RGL4: variants seen among roughly 807,000 people sequenced by gnomAD.
RGL4 encodes the protein ral guanine nucleotide dissociation stimulator like 4, also known as ral-GDS-related protein.
Under a neutral mutation model 49.6 loss-of-function variants are expected in RGL4, and 41 were observed. The observed-to-expected ratio is 0.83, with a 90% CI of 0.64 to 1.07. The LOEUF (loss-of-function observed/expected upper bound fraction) is 1.07. Ranked by LOEUF, RGL4 falls within the 50% of genes least tolerant of loss-of-function variation. RGL4 has a pLI of 0.00. For synonymous variants in RGL4, 255 were observed against 238.0 expected, an observed-to-expected ratio of 1.07 and a Z score of -0.66; for missense variants, 610 against 591.9, an observed-to-expected ratio of 1.03 and a Z score of -0.32.
In RGL4 at chr22:23,699,162, A is replaced by C. The variant is rs1923734664; in HGVS notation, c.*279A>C. 4 of 1,366,118 alleles carry C rather than the reference A, an allele frequency of 2.9e-6. No homozygotes were observed. Among genetic ancestry groups the C allele is most frequent in the Non-Finnish European group, 3.8e-6 (4 of 1,042,554 alleles). The allele number at this position is 1,366,118 out of a possible 1,614,324, so 84.6% of individuals were successfully genotyped here. ...AACTTTCGTTAAAATAAAATTTTAA[A>C]AAACTATTCAAAATGTTCTGTAGTT... On this transcript the variant is annotated 3_prime_UTR_variant, in exon 11 of 11. Transcript: ENST00000290691.
At position 23,696,621 on chromosome 22, in the gene RGL4, G is replaced by A. The variant is rs769625983; in HGVS notation, c.1094G>A (p.Ser365Asn). The A allele has an allele frequency of 1.9e-6, 3 of 1,613,816 alleles. No homozygotes were observed. The highest frequency in any genetic ancestry group is 2.5e-6 in the Non-Finnish European group (3 of 1,179,886). The change falls in exon 7 of 11, where the codon AGC (serine) becomes AAC (asparagine). Residue 365 changes from serine (S) to asparagine (N), a missense_variant. Ser to Asn is a conservative substitution (Grantham distance 46). Coordinates refer to ENST00000290691, the MANE Select transcript of RGL4 (RefSeq NM_153615.2). ...VKRDLLIKAG[S>N]FKVATQERNP... ...GTCGCTGACACCTGGCAGGCGGGGA[G>A]CTTTAAGGTGGCCACCCAGGAGAGG...
rs1302368339 is a variant in RGL4, at chr22:23,693,930, C to T, written c.868C>T (p.Arg290Trp). ...SCLGDHSMRA[R>W]DRARVVEHWI... Reference sequence around the variant, plus strand: ...CCTCGGGGACCACAGCATGAGGGCCCGGGACAGGGCCAGGGTGGTGGAGCA... The same window carrying T: ...CCTCGGGGACCACAGCATGAGGGCCTGGGACAGGGCCAGGGTGGTGGAGCA... Residue 290 changes from arginine to tryptophan, a missense_variant, in exon 4 of 11, where the codon CGG becomes TGG. By Grantham distance (101) the Arg-to-Trp change is moderately radical. Coordinates refer to ENST00000290691, the MANE Select transcript of RGL4 (RefSeq NM_153615.2). 26 of 1,613,862 alleles carry T rather than the reference C, an allele frequency of 1.6e-5. No homozygotes were observed. The East Asian group carries it at 2.2e-4, about 14-fold the overall frequency.
chr22:23,695,514 T>C, intron 6 of RGL4: 1 of 501,044 alleles, frequency 2.0e-6, no homozygotes, highest in South Asian at 1.6e-5. Flanking sequence ...GGCCTTGGCC[T>C]GCACTGGGGG....
chr22:23,694,422 C>T lies in RGL4; in HGVS notation c.988C>T (p.Leu330=). The T allele has an allele frequency of 6.2e-7, 1 of 1,613,818 alleles. No individual in the cohort carries two copies. Among genetic ancestry groups the T allele is most frequent in the African/African-American group, 1.3e-5 (1 of 75,048 alleles). The change falls in exon 5 of 11, where the codon CTA becomes TTA. Residue 330 remains leucine (L), a synonymous_variant. Coordinates refer to ENST00000290691, the MANE Select transcript of RGL4 (RefSeq NM_153615.2). ...SALCSNPIGQ[L]HKTWAGVSSK... ...TCTGTGCAGCAACCCAATAGGTCAG[C>T]TACACAAGACGTGGGCAGGAGTGTC...
chr22:23,692,620 A>C, intron 2 of RGL4, 49 bp from the exon 3 acceptor site: 1 of 1,573,838 alleles, frequency 6.4e-7, no homozygotes, highest in Non-Finnish European at 8.6e-7. Context: ...CTGTGCTTGG[A>C]AAACCCAGTG....
At chr22:23,694,289 A>T (rs1234884483) in intron 4 of RGL4, 58 bp from the exon 5 acceptor site, 5 of 1,307,690 alleles carry the variant, frequency 3.8e-6, no homozygotes, top group Admixed American at 1.7e-5. Context: ...GAGGGGGCTG[A>T]GGCTGTAGTG....
In RGL4 at chr22:23,694,469, ATGG is replaced by A; in HGVS notation, c.1016+20_1016+22del. On this transcript the variant is annotated intron_variant, in intron 5 of 10. Coordinates refer to ENST00000290691, the MANE Select transcript of RGL4 (RefSeq NM_153615.2). The stretch of plus-strand genomic sequence containing the variant: ...TGTCCAGGTGAGGAGGGCTCTCTCC[ATGG>A]CAGCATCAGGGTTGACCTAGGGACT... The A allele has an allele frequency of 6.4e-7, 1 of 1,557,942 alleles. No homozygotes were observed. The highest frequency in any genetic ancestry group is 1.1e-5 in the South Asian group (1 of 89,610).
intron 4 of RGL4, 50 bp downstream of exon 4, chr22:23,694,024 C>T: frequency 6.7e-7 from 1 of 1,498,928 alleles, no homozygotes; most frequent in Non-Finnish European, 9.3e-7. Context: ...TGGGGAACTT[C>T]CTCTTCTCCT....
At position 23,692,814 on chromosome 22, in the gene RGL4, G is replaced by GCCAGCACCAGCA. The variant is rs767440382; in HGVS notation, c.524_535dup (p.Ala175_Pro178dup). ...CAGGATATCTACATTCAGCACCAGG[G>GCCAGCACCAGCA]CCAGCACCAGCACCAGGGGAAGGGC... On this transcript the variant is annotated inframe_insertion, in exon 3 of 11. Transcript: ENST00000290691. 1.3e-4 allele frequency: 210 copies of GCCAGCACCAGCA among 1,613,600 alleles called. 1 individual carries two copies. The African/African-American group carries it at 2.2e-3, about 17-fold the overall frequency.
chr22:23,695,218 G>A (rs1923408227), intron 6 of RGL4, 199 bp downstream of exon 6: 2 of 521,624 alleles, frequency 3.8e-6, no homozygotes, highest in Admixed American at 2.9e-5. Flanking sequence ...GGGCACGTGG[G>A]GGCATGGGGG....
At chr22:23,697,142 T>C (rs756867617) in intron 7 of RGL4, 29 bp from the exon 8 acceptor site, 3 of 1,398,456 alleles carry the variant, frequency 2.1e-6, no homozygotes, top group Non-Finnish European at 3.0e-6. Flanking sequence ...CCACTACCCC[T>C]CCCACCTCCC....
chr22:23,691,748 C>G lies in RGL4; in HGVS notation c.-283C>G, dbSNP rs1023964690. On this transcript the variant is annotated 5_prime_UTR_variant, in exon 1 of 11. Coordinates refer to ENST00000290691, the MANE Select transcript of RGL4 (RefSeq NM_153615.2). ...AAACATGGGGGAAAATATGTGGACT[C>G]TGGCTGGGGAGAGACTAAAGGAGCT... The G allele has an allele frequency of 1.5e-5, 5 of 339,424 alleles. No homozygotes were observed. Among genetic ancestry groups the G allele is most frequent in the African/African-American group, 8.1e-5 (4 of 49,124 alleles). 21.0% of individuals were successfully genotyped at this position (339,424 alleles called of 1,614,324 possible).
At chr22:23,693,604 C>T (rs1037588794) in intron 3 of RGL4, among the ~76,000 whole-genome samples, 155 bp from the exon 4 acceptor site, 1 of 152,144 alleles carries the variant, frequency 6.6e-6, no homozygotes, top group African/African-American at 2.4e-5. Context: ...CCCAGGGACT[C>T]CCACAAGTCT....
Position 23,697,186 on chromosome 22 carries a change from C to T in RGL4, c.1177C>T (p.Leu393=), listed in dbSNP as rs771025822. Residue 393 remains leucine (L), a synonymous_variant, in exon 8 of 11, where the codon CTG becomes TTG. Coordinates refer to ENST00000290691, the MANE Select transcript of RGL4 (RefSeq NM_153615.2). ...RRQKKGVVPF[L]GDFLTELQRL... ...CTTGGCACAGGGTGTGGTCCCCTTC[C>T]TGGGGGATTTTCTGACTGAGTTACA... The T allele has an allele frequency of 1.2e-6, 2 of 1,613,356 alleles. No individual in the cohort carries two copies. Among genetic ancestry groups the T allele is most frequent in the Middle Eastern group, 1.7e-4 (1 of 6,058 alleles).
Position 23,692,926 on chromosome 22 carries a change from G to A in RGL4, c.631G>A (p.Glu211Lys), listed in dbSNP as rs1923234584. 1 of 1,613,308 alleles carries A rather than the reference G, an allele frequency of 6.2e-7. No homozygotes were observed. Among genetic ancestry groups the A allele is most frequent in the Non-Finnish European group, 8.5e-7 (1 of 1,179,856 alleles). The change falls in exon 3 of 11, where the codon GAG becomes AAG. Residue 211 changes from glutamate to lysine, a missense_variant. Transcript: ENST00000290691. ...RGSVKNQPSE[E>K]LPDMTTFPPR... ...GTCTGTAAAGAACCAACCCAGTGAG[G>A]AGCTGCCTGACATGACGACCTTCCC...
chr22:23,694,052 C>A, intron 4 of RGL4, 78 bp downstream of exon 4: 2 of 1,324,128 alleles, frequency 1.5e-6, no homozygotes, highest in Non-Finnish European at 2.2e-6. Flanking sequence ...CTTTCAGGAT[C>A]GGCATCTGTA....
chr22:23,696,658 A>G lies in RGL4; in HGVS notation c.1131A>G (p.Arg377=). The change falls in exon 7 of 11, where the codon AGA becomes AGG. Residue 377 remains arginine, a synonymous_variant. Coordinates refer to ENST00000290691, the MANE Select transcript of RGL4 (RefSeq NM_153615.2). ...CCACCCAGGAGAGGAACCCCCAGAGAGTCCAGATGAGGCTGCGGAGGCAGA... is the reference window on the plus strand; with the variant it reads ...CCACCCAGGAGAGGAACCCCCAGAGGGTCCAGATGAGGCTGCGGAGGCAGA... ...KVATQERNPQ[R]VQMRLRRQKK... The G allele has an allele frequency of 1.2e-6, 2 of 1,613,674 alleles. No individual in the cohort carries two copies. Among genetic ancestry groups the G allele is most frequent in the Non-Finnish European group, 1.7e-6 (2 of 1,179,854 alleles).
intron 9 of RGL4, 124 bp downstream of exon 9, chr22:23,697,985 A>G (rs1270932739): frequency 7.8e-7 from 1 of 1,285,178 alleles, no homozygotes; most frequent in Non-Finnish European, 1.1e-6. Flanking sequence ...TTTGACACAC[A>G]CAGGAGGAGG....
intron 8 of RGL4, 142 bp from the exon 9 acceptor site, chr22:23,697,696 C>T (rs1371731660): frequency 2.1e-5 from 18 of 866,674 alleles, no homozygotes; most frequent in Middle Eastern, 3.4e-4. Context: ...CTCTAGAGCC[C>T]GGAGCCTGAG....
Sources: gnomAD v4.1 joint callset for allele counts (sites outside exome capture counted in the v4.1 genomes callset) on GRCh38, gnomAD v4.1.1 for gene constraint, MANE v1.5 for transcripts, NCBI Gene and HGNC (gene_info 2026-07-23, HGNC 2026-07-21) for gene names.